APOLD1: variants seen among roughly 807,000 people sequenced by gnomAD.
APOLD1 encodes the protein apolipoprotein L domain containing 1.
Under a neutral mutation model 15.3 loss-of-function variants are expected in APOLD1, and 22 were observed. The ratio of observed to expected loss-of-function variants is 1.44; its 90% CI spans 1.03 to 2.05. APOLD1 has a LOEUF of 2.05. APOLD1 is among the 30% of genes most tolerant of loss of function. The pLI is 0.00. For synonymous variants in APOLD1, 190 were observed against 167.4 expected (o/e 1.13, Z -1.04); for missense variants, 394 against 353.5 (o/e 1.11, Z -0.92).
chr12:12,774,538 T>C (rs1315257825), intron 1 of APOLD1, among the ~76,000 whole-genome samples: 1 of 80,752 alleles, frequency 1.2e-5, no homozygotes, highest in Non-Finnish European at 2.2e-5. Flanking sequence ...ACAGCGAGAC[T>C]CTAACTCCAA....
intron 1 of APOLD1, among the ~76,000 whole-genome samples, chr12:12,757,772 T>G (rs1171265991): frequency 6.6e-6 from 1 of 152,090 alleles, no homozygotes; most frequent in Non-Finnish European, 1.5e-5. Flanking sequence ...TACAGAGTTG[T>G]GCAACACCCT....
At chr12:12,754,731 G>GA (rs1218337907) in intron 1 of APOLD1, among the ~76,000 whole-genome samples, 4 of 151,848 alleles carry the variant, frequency 2.6e-5, no homozygotes, top group Middle Eastern at 3.4e-3. Flanking sequence ...ATGCCTGGCC[G>GA]AAATCTATCT....
intron 1 of APOLD1, chr12:12,771,410 T>C: frequency 5.1e-6 from 2 of 392,580 alleles, no homozygotes; most frequent in South Asian, 4.1e-5. Flanking sequence ...AAATCATCAT[T>C]ATTATCCCAC....
chr12:12,730,831 A>C (rs1410318088), intron 1 of APOLD1, among the ~76,000 whole-genome samples: 7 of 151,310 alleles, frequency 4.6e-5, no homozygotes, highest in Non-Finnish European at 1.0e-4. Flanking sequence ...TATAATAATG[A>C]CCATTACATA....
At chr12:12,777,499 C>T (rs1947045334) in intron 1 of APOLD1, among the ~76,000 whole-genome samples, 1 of 152,198 alleles carries the variant, frequency 6.6e-6, no homozygotes, top group African/African-American at 2.4e-5. Flanking sequence ...GAGATTTTTA[C>T]TACAAGTTGA....
In APOLD1 at chr12:12,788,491, C is replaced by G. The variant is rs575783275; in HGVS notation, c.*839C>G. 4 of 152,338 alleles carry G rather than the reference C, an allele frequency of 2.6e-5. No homozygotes were observed. The South Asian group carries it at 8.3e-4, about 32-fold the overall frequency. 9.4% of individuals were successfully genotyped at this position (152,338 alleles called of 1,614,324 possible). A position where few individuals can be genotyped will look rare whatever the true frequency, so the allele number is the denominator to read the frequency against. On this transcript the variant is annotated 3_prime_UTR_variant, in exon 2 of 2. Coordinates refer to ENST00000356591, the MANE Select transcript of APOLD1 (RefSeq NM_030817.3). ...CTGTGTGAGTGTAGCCACCTAATCT[C>G]TCTGAGACTGTGTAAAACAAAGATG... is the stretch of plus-strand genomic sequence containing the variant.
Position 12,787,135 on chromosome 12 carries a change from G to A in APOLD1, c.230G>A (p.Ser77Asn). 6.7e-7 allele frequency: 1 copy of A among 1,486,938 alleles called. No individual in the cohort carries two copies. The highest frequency in any genetic ancestry group is 8.8e-7 in the Non-Finnish European group (1 of 1,130,170). 92.1% of individuals were successfully genotyped at this position (1,486,938 alleles called of 1,614,324 possible). Residue 77 changes from serine to asparagine, a missense_variant, in exon 2 of 2, where the codon AGC (serine) becomes AAC (asparagine). Physicochemically the swap from Ser to Asn is conservative, Grantham distance 46 (BLOSUM62 1). Coordinates refer to ENST00000356591, the MANE Select transcript of APOLD1 (RefSeq NM_030817.3). This position sits in a 1 kb window ranked among gnomAD's most constrained non-coding sequence, Gnocchi z 4.9. Reference protein sequence around the residue: ...ALAAIVGLSLSPVTLGTSLLV... With the variant: ...ALAAIVGLSLNPVTLGTSLLV... Reference sequence around the variant, plus strand: ...GCCGCCATCGTGGGGCTCTCGCTCAGCCCGGTCACCCTGGGGACCTCGCTG... The same window carrying A: ...GCCGCCATCGTGGGGCTCTCGCTCAACCCGGTCACCCTGGGGACCTCGCTG...
At position 12,760,805 on chromosome 12, in the gene APOLD1, A is replaced by G. The variant is rs563717761; in HGVS notation, c.97-26104A>G. 1.6e-4 allele frequency among the ~76,000 whole-genome samples: 25 copies of G among 152,264 alleles called. 1 individual carries two copies. In the South Asian group the frequency reaches 4.2e-3, roughly 25 times the overall value. Reference sequence around the variant, plus strand: ...TTACATATAAGGATCTGAAAGGGCAACCCCCTTCCCCAACATATGAAAGTT... The same window carrying G: ...TTACATATAAGGATCTGAAAGGGCAGCCCCCTTCCCCAACATATGAAAGTT... On this transcript the variant is annotated intron_variant, in intron 1 of 1. Coordinates refer to the APOLD1 transcript ENST00000326765.
intron 1 of APOLD1, among the ~76,000 whole-genome samples, chr12:12,744,307 TAA>T (rs35191312): frequency 0.085 from 11,163 of 131,066 alleles, 453 homozygotes; most frequent in East Asian, 0.12. Flanking sequence ...AGACCCTGCT[TAA>T]AAAAAAAAAA....
At chr12:12,734,217 A>G (rs1272253209) in intron 1 of APOLD1, among the ~76,000 whole-genome samples, 1 of 152,182 alleles carries the variant, frequency 6.6e-6, no homozygotes, top group Non-Finnish European at 1.5e-5. Flanking sequence ...TTTTTGCCAT[A>G]TGGGATTTTA....
chr12:12,739,857 C>T (rs1229820238), intron 1 of APOLD1, among the ~76,000 whole-genome samples: 3 of 150,240 alleles, frequency 2.0e-5, no homozygotes, highest in Admixed American at 2.0e-4. Flanking sequence ...CACTCTGTCA[C>T]CTAGGCTGGA....
intron 1 of APOLD1, among the ~76,000 whole-genome samples, chr12:12,729,376 G>A (rs1256040020): frequency 1.3e-5 from 2 of 152,070 alleles, no homozygotes; most frequent in Non-Finnish European, 2.9e-5. Context: ...TCAGAGTTGG[G>A]GAAAGACTTT....
At chr12:12,752,250 G>C (rs1456194315) in intron 1 of APOLD1, among the ~76,000 whole-genome samples, 1 of 152,108 alleles carries the variant, frequency 6.6e-6, no homozygotes, top group Non-Finnish European at 1.5e-5. Flanking sequence ...GATTGGCTTA[G>C]TCTCCTTCTC....
At chr12:12,781,820 C>G (rs1947083748), upstream of APOLD1, among the ~76,000 whole-genome samples, 2 of 151,822 alleles carry the variant, frequency 1.3e-5, no homozygotes. Flanking sequence ...AGCCACCGCG[C>G]CCGGCATACT....
chr12:12,779,383 C>G (rs1198680220), intron 1 of APOLD1, among the ~76,000 whole-genome samples: 1 of 152,160 alleles, frequency 6.6e-6, no homozygotes, highest in Non-Finnish European at 1.5e-5. Context: ...TGATGTCTGG[C>G]ACACAGTAGG....
chr12:12,744,590 C>T (rs1946751716), intron 1 of APOLD1, among the ~76,000 whole-genome samples: 1 of 152,168 alleles, frequency 6.6e-6, no homozygotes, highest in Admixed American at 6.5e-5. Flanking sequence ...TATCAAAAAA[C>T]AAAGAACTGC....
rs1409821545 is a variant in APOLD1, at chr12:12,730,057, TGTGTGTGTGTGTGTGTGTGTGAGA to T, written c.96+3963_96+3986del. 3.4e-3 allele frequency among the ~76,000 whole-genome samples: 366 copies of T among 106,590 alleles called. 2 individuals carry two copies. Among genetic ancestry groups the T allele is most frequent in the African/African-American group, 0.013 (341 of 25,886 alleles). 69.9% of individuals were successfully genotyped at this position (106,590 alleles called of 152,430 possible). A position where few individuals can be genotyped will look rare whatever the true frequency, so the allele number is the denominator to read the frequency against. ...GTGTGTGTGTGTGTGTGTGTGTGTG[TGTGTGTGTGTGTGTGTGTGTGAGA>T]GAGAGAGAGAGAGAGACAGACAGGT... On this transcript the variant is annotated intron_variant, in intron 1 of 1. Transcript: ENST00000326765.
chr12:12,758,391 A>G (rs544231410), intron 1 of APOLD1, among the ~76,000 whole-genome samples: 15 of 152,190 alleles, frequency 9.9e-5, no homozygotes, highest in African/African-American at 3.1e-4. Flanking sequence ...CTAAAAATAC[A>G]AAAATTACCT....
intron 1 of APOLD1, among the ~76,000 whole-genome samples, chr12:12,765,235 T>G (rs1047444867): frequency 2.0e-4 from 31 of 152,218 alleles, no homozygotes; most frequent in African/African-American, 7.0e-4. Flanking sequence ...TTTTAAAAAT[T>G]AGAGATGAGG....
Sources: allele counts gnomAD v4.1 joint callset (sites outside exome capture counted in the v4.1 genomes callset), GRCh38; gene constraint gnomAD v4.1.1; non-coding constraint Gnocchi (gnomAD v3.1); transcripts MANE v1.5; gene names NCBI Gene and HGNC (gene_info 2026-07-23, HGNC 2026-07-21).